The following USP26 variants were observed in gnomAD, a reference collection of about 807,000 sequenced individuals.
USP26 encodes ubiquitin specific peptidase 26.
For synonymous variants in USP26, 236 were observed against 240.6 expected, an observed-to-expected ratio of 0.98 and a Z score of 0.18; for missense variants, 649 against 642.3, an observed-to-expected ratio of 1.01 and a Z score of -0.11.
intron 5 of USP26, among the ~76,000 whole-genome samples, chrX:133,057,857 TATATATA>T (rs2067480637): frequency 4.2e-5 from 1 of 23,784 alleles, no homozygotes; most frequent in Non-Finnish European, 7.0e-5. Context: ...TATATATATA[TATATATA>T]TATTTTTTTT....
At chrX:133,063,805 GAA>G (rs201979934) in intron 5 of USP26, among the ~76,000 whole-genome samples, 1,306 of 111,653 alleles carry the variant, frequency 0.012, 6 homozygotes, top group Non-Finnish European at 0.018. Context: ...ATGACACTAT[GAA>G]AAAACTCCAT....
chrX:133,028,152 T>C lies in USP26; in HGVS notation c.69A>G (p.Lys23=), dbSNP rs1158748569. The change falls in exon 6 of 6, where the codon AAA becomes AAG. Residue 23 remains lysine (K), a synonymous_variant. Coordinates refer to ENST00000511190, the MANE Select transcript of USP26 (RefSeq NM_031907.3). ...TTTCCACTGCTTCAATGAATGCTTC[T>C]TTTGACTTAGATATCCCAGTCTTGC... The part of the protein sequence containing the change: ...GNCKTGISKS[K]EAFIEAVERK... The C allele has an allele frequency of 8.3e-7, 1 of 1,211,344 alleles. No homozygotes were observed. The highest frequency in any genetic ancestry group is 1.1e-6 in the Non-Finnish European group (1 of 895,037).
intron 1 of USP26, among the ~76,000 whole-genome samples, chrX:133,092,924 G>A (rs1175943441): frequency 9.0e-6 from 1 of 111,444 alleles, no homozygotes; most frequent in African/African-American, 3.3e-5. Context: ...AAGTCATTCA[G>A]ATGCTAGATA....
intron 5 of USP26, among the ~76,000 whole-genome samples, chrX:133,071,144 GA>G (rs1451053761): frequency 9.0e-6 from 1 of 111,006 alleles, no homozygotes; most frequent in Non-Finnish European, 1.9e-5. Context: ...TTGAACCCAG[GA>G]GGCGGATGTT....
intron 5 of USP26, among the ~76,000 whole-genome samples, chrX:133,042,081 G>C (rs1001562982): frequency 1.8e-5 from 2 of 111,906 alleles, no homozygotes; most frequent in African/African-American, 6.5e-5. Flanking sequence ...ATCACCCCAG[G>C]TTGACTTCAG....
chrX:133,078,955 C>T (rs1012849061), intron 5 of USP26, among the ~76,000 whole-genome samples: 1 of 112,262 alleles, frequency 8.9e-6, no homozygotes, highest in African/African-American at 3.2e-5. Context: ...CTGAAAATAA[C>T]TGTTCATTTC....
At chrX:133,051,993 T>C (rs949546565) in intron 5 of USP26, among the ~76,000 whole-genome samples, 1 of 112,317 alleles carries the variant, frequency 8.9e-6, no homozygotes, top group African/African-American at 3.2e-5. Context: ...TTTAAGTCTC[T>C]ATTTTACATT....
At position 133,025,536 on chromosome X, in the gene USP26, T is replaced by C; in HGVS notation, c.2685A>G (p.Arg895=). Residue 895 remains arginine, a synonymous_variant, in exon 6 of 6, where the codon AGA becomes AGG. Transcript: ENST00000511190. ...TGCTATTAAGCTGGGCATTCTCTTC[T>C]CTTTTCAACATCTCTTCAAAGATCT... ...HNEIFEEMLK[R]EENAQLNSKE... The C allele has an allele frequency of 8.3e-7, 1 of 1,211,467 alleles. No homozygotes were observed. The highest frequency in any genetic ancestry group is 1.1e-6 in the Non-Finnish European group (1 of 895,412).
chrX:133,092,495 C>T (rs929237962), intron 1 of USP26, among the ~76,000 whole-genome samples: 2 of 112,059 alleles, frequency 1.8e-5, no homozygotes, highest in African/African-American at 6.5e-5. Context: ...GATAATTTCA[C>T]GAATAATTGC....
intron 1 of USP26, among the ~76,000 whole-genome samples, chrX:133,096,047 A>AT (rs779131148): frequency 0.046 from 1,680 of 36,480 alleles, 311 homozygotes; most frequent in African/African-American, 0.12. Flanking sequence ...GCCCGGCCTA[A>AT]TTTTTTTTTT....
chrX:133,081,009 C>T (rs1195448524), intron 5 of USP26, among the ~76,000 whole-genome samples: 1 of 110,685 alleles, frequency 9.0e-6, no homozygotes, highest in Non-Finnish European at 1.9e-5. Flanking sequence ...TCAAATTGCC[C>T]CCAAAGTACT....
intron 5 of USP26, among the ~76,000 whole-genome samples, chrX:133,068,158 AACCAATACTGC>A (rs1486346140): frequency 8.9e-6 from 1 of 112,190 alleles, no homozygotes; most frequent in Non-Finnish European, 1.9e-5. Flanking sequence ...GGAACAGAAA[AACCAATACTGC>A]ATATTTTCAC....
At chrX:133,057,144 T>C (rs1005776076) in intron 5 of USP26, among the ~76,000 whole-genome samples, 2 of 111,835 alleles carry the variant, frequency 1.8e-5, no homozygotes, top group Admixed American at 1.9e-4. Context: ...CTTTGTTACA[T>C]AGGTATACAT....
chrX:133,026,685 C>T lies in USP26; in HGVS notation c.1536G>A (p.Arg512=). The T allele has an allele frequency of 5.0e-6, 6 of 1,210,272 alleles. No individual in the cohort carries two copies. The highest frequency in any genetic ancestry group is 6.7e-6 in the Non-Finnish European group (6 of 895,024). ...KTSVGVHSFS[R]LPRILIVHLK... ...GGTGAACAATAAGGATTCTAGGTAG[C>T]CTACTGAATGAGTGCACTCCAACGG... is the stretch of plus-strand genomic sequence containing the variant. The change falls in exon 6 of 6, where the codon AGG becomes AGA. Residue 512 remains arginine, a synonymous_variant. Coordinates refer to ENST00000511190, the MANE Select transcript of USP26 (RefSeq NM_031907.3).
intron 5 of USP26, among the ~76,000 whole-genome samples, chrX:133,043,572 G>A (rs190437253): frequency 2.7e-5 from 3 of 112,496 alleles, no homozygotes; most frequent in Non-Finnish European, 5.6e-5. Context: ...ACTAAGGAGC[G>A]CTGCCATAGC....
intron 5 of USP26, among the ~76,000 whole-genome samples, chrX:133,072,087 T>C (rs936539872): frequency 5.4e-5 from 6 of 111,917 alleles, no homozygotes; most frequent in Non-Finnish European, 1.1e-4. Flanking sequence ...AATGTAATCC[T>C]TGAATCTCTA....
chrX:133,078,056 C>T (rs2148535881), intron 5 of USP26, among the ~76,000 whole-genome samples: 1 of 111,032 alleles, frequency 9.0e-6, no homozygotes, highest in South Asian at 3.9e-4. Context: ...TGCACTCCAT[C>T]TTGGGCAACG....
chrX:133,085,082 C>A (rs2067584223), intron 4 of USP26, among the ~76,000 whole-genome samples: 1 of 111,817 alleles, frequency 8.9e-6, no homozygotes, highest in Admixed American at 9.5e-5. Context: ...GTGACTACCA[C>A]CACGCCTGGC....
At chrX:133,079,586 C>G (rs1208185362) in intron 5 of USP26, among the ~76,000 whole-genome samples, 2 of 111,539 alleles carry the variant, frequency 1.8e-5, no homozygotes, top group African/African-American at 6.5e-5. Context: ...GACATAAACC[C>G]AGGCCTCCAT....
Sources: allele counts gnomAD v4.1 joint callset (sites outside exome capture counted in the v4.1 genomes callset), GRCh38; gene constraint gnomAD v4.1.1; transcripts MANE v1.5; gene names NCBI Gene and HGNC (gene_info 2026-07-23, HGNC 2026-07-21).